GEMIN6: variants seen among roughly 807,000 people sequenced by gnomAD.
GEMIN6 encodes gem-associated protein 6.
Under a neutral mutation model 14.1 loss-of-function variants are expected in GEMIN6, and 13 were observed. The observed-to-expected ratio is 0.92, with a 90% confidence interval of 0.60 to 1.46. The LOEUF (loss-of-function observed/expected upper bound fraction) is 1.46. GEMIN6 is among the 40% of genes most tolerant of loss of function. The pLI, the probability that GEMIN6 is intolerant of heterozygous loss-of-function variation, is 0.00. For missense variants in GEMIN6, 271 were observed against 202.4 expected (o/e 1.34, Z -2.06); for synonymous variants, 87 against 70.0 (o/e 1.24, Z -1.21).
Position 38,782,172 on chromosome 2 carries a change from T to G in GEMIN6, c.*280T>G. The stretch of plus-strand genomic sequence containing the variant: ...TTTTTCTTTTTTTTTTGAGATGGAG[T>G]CTCGCTCTGTTGCCAGGTTTGAGTG... On this transcript the variant is annotated 3_prime_UTR_variant, in exon 3 of 3. Transcript: ENST00000281950. 1 of 265,860 alleles carries G rather than the reference T, an allele frequency of 3.8e-6. No homozygotes were observed. Among genetic ancestry groups the G allele is most frequent in the East Asian group, 8.1e-5 (1 of 12,364 alleles). 16.5% of individuals were successfully genotyped at this position (265,860 alleles called of 1,614,324 possible). A position where few individuals can be genotyped will look rare whatever the true frequency, so the allele number is the denominator to read the frequency against.
At chr2:38,778,886 C>T in intron 1 of GEMIN6, 86 bp from the exon 2 acceptor site, 2 of 1,160,042 alleles carry the variant, frequency 1.7e-6, no homozygotes, top group Non-Finnish European at 1.2e-6. Flanking sequence ...CACAGATGTT[C>T]TCTGTCTCTA....
At chr2:38,780,975 T>A (rs1669070875) in intron 2 of GEMIN6, among the ~76,000 whole-genome samples, 1 of 139,082 alleles carries the variant, frequency 7.2e-6, no homozygotes, top group Non-Finnish European at 1.6e-5. Flanking sequence ...CCCTGCCTTC[T>A]TCTTTTTTTT....
chr2:38,781,699 A>AC lies in GEMIN6; in HGVS notation c.312dup (p.Ser105GlnfsTer7). 1.9e-6 allele frequency: 3 copies of AC among 1,614,148 alleles called. No homozygotes were observed. Among genetic ancestry groups the AC allele is most frequent in the Non-Finnish European group, 2.5e-6 (3 of 1,180,048 alleles). ...CCAGAGGATCTGGAAGAGAGAAAGA[A>AC]CAGCCTAAAGAAATGGCTTGAGAAG... On this transcript the variant is annotated frameshift_variant, in exon 3 of 3. Coordinates refer to ENST00000281950, the MANE Select transcript of GEMIN6 (RefSeq NM_024775.10). LOFTEE classifies it high-confidence loss of function.
At position 38,781,733 on chromosome 2, in the gene GEMIN6, C is replaced by A. The variant is rs943882012; in HGVS notation, c.345C>A (p.Ile115=). ...SLKKWLEKNH[I]PITEQGDAPR... The stretch of plus-strand genomic sequence containing the variant: ...AGAAATGGCTTGAGAAGAACCACAT[C>A]CCCATCACTGAACAGGGAGACGCTC... The change falls in exon 3 of 3, where the codon ATC becomes ATA. Residue 115 remains isoleucine (I), a synonymous_variant. Transcript: ENST00000281950. 1.2e-6 allele frequency: 2 copies of A among 1,614,126 alleles called. No homozygotes were observed. The highest frequency in any genetic ancestry group is 8.5e-7 in the Non-Finnish European group (1 of 1,180,022).
rs918434927 is a variant in GEMIN6, at chr2:38,781,909, A to C, written c.*17A>C. ...TCCCAATGAGAGGCCAGGAAGTGTG[A>C]ACATACTGATAGAAAAAGACTATAT... On this transcript the variant is annotated 3_prime_UTR_variant, in exon 3 of 3. Coordinates refer to ENST00000281950, the MANE Select transcript of GEMIN6 (RefSeq NM_024775.10). 4.4e-6 allele frequency: 7 copies of C among 1,576,656 alleles called. No individual in the cohort carries two copies. The highest frequency in any genetic ancestry group is 6.0e-6 in the Non-Finnish European group (7 of 1,162,736).
rs1344244842 is a variant in GEMIN6, at chr2:38,778,282, G to C, written c.-20+1G>C. ...AGAGTTGCGAGGAGTTTTTTAACTG[G>C]TATTTTTCTCGTTTGTCAGGGTTAA... On this transcript the variant is annotated splice_donor_variant, in intron 1 of 2. Transcript: ENST00000281950. LOFTEE classifies it low-confidence loss of function (5UTR_SPLICE). The C allele has an allele frequency of 6.6e-6, 1 of 152,208 alleles. No homozygotes were observed. Among genetic ancestry groups the C allele is most frequent in the Non-Finnish European group, 1.5e-5 (1 of 68,064 alleles). 9.4% of individuals were successfully genotyped at this position (152,208 alleles called of 1,614,324 possible).
chr2:38,779,112 C>CATCCTACT lies in GEMIN6; in HGVS notation c.122_123insATCCTACT (p.Ala42SerfsTer9), dbSNP rs1199018723. 1.9e-6 allele frequency: 3 copies of CATCCTACT among 1,612,098 alleles called. No individual in the cohort carries two copies. On this transcript the variant is annotated frameshift_variant, in exon 2 of 3. Transcript: ENST00000281950. LOFTEE classifies it high-confidence loss of function. ...TGGGTTTTAACTACAGACCCAGTCT[C>CATCCTACT]TGCCAAGTGAGTATGCATCCTACTT...
In GEMIN6 at chr2:38,783,656, C is replaced by T. The variant is rs561518770; in HGVS notation, c.*1764C>T. 6.6e-6 allele frequency: 1 copy of T among 152,222 alleles called. No individual in the cohort carries two copies. The highest frequency in any genetic ancestry group is 2.1e-4 in the South Asian group (1 of 4,816). 9.4% of individuals were successfully genotyped at this position (152,222 alleles called of 1,614,324 possible). On this transcript the variant is annotated 3_prime_UTR_variant, in exon 3 of 3. Transcript: ENST00000281950. ...GAAATATTTTAAAATATTTAAGCTTCAGGGCCTTTGAATACAGGCCCTGAT... is the reference window on the plus strand; with the variant it reads ...GAAATATTTTAAAATATTTAAGCTTTAGGGCCTTTGAATACAGGCCCTGAT...
rs1669116484 is a variant in GEMIN6 at position 38,782,618 on chromosome 2, AC to A, written c.*730del. 1 of 149,752 alleles carries A rather than the reference AC, an allele frequency of 6.7e-6. No homozygotes were observed. Among genetic ancestry groups the A allele is most frequent in the African/African-American group, 2.5e-5 (1 of 40,656 alleles). 9.3% of individuals were successfully genotyped at this position (149,752 alleles called of 1,614,324 possible). ...AGACCATCCTGGCTAACACGGTGAA[AC>A]CCCTTCTCTACTAAAAATACAAAAA... On this transcript the variant is annotated 3_prime_UTR_variant, in exon 3 of 3. Coordinates refer to ENST00000281950, the MANE Select transcript of GEMIN6 (RefSeq NM_024775.10).
chr2:38,779,526 G>A (rs182568017), intron 2 of GEMIN6: 14 of 194,174 alleles, frequency 7.2e-5, no homozygotes, highest in East Asian at 5.4e-4. Context: ...CACTGTACCC[G>A]GCCTACATAT....
rs1259958240 is a variant in GEMIN6 at position 38,783,641 on chromosome 2, A to T, written c.*1749A>T. The T allele has an allele frequency of 1.3e-5, 2 of 152,108 alleles. No individual in the cohort carries two copies. Among genetic ancestry groups the T allele is most frequent in the African/African-American group, 4.8e-5 (2 of 41,428 alleles). The allele number at this position is 152,108 out of a possible 1,614,324, so 9.4% of individuals were successfully genotyped here. A position where few individuals can be genotyped will look rare whatever the true frequency, so the allele number is the denominator to read the frequency against. On this transcript the variant is annotated 3_prime_UTR_variant, in exon 3 of 3. Coordinates refer to ENST00000281950, the MANE Select transcript of GEMIN6 (RefSeq NM_024775.10). ...CATGTCCAGCTGTAAGAAATATTTT[A>T]AAATATTTAAGCTTCAGGGCCTTTG...
intron 1 of GEMIN6, among the ~76,000 whole-genome samples, 173 bp from the exon 2 acceptor site, chr2:38,778,799 C>G (rs1432963266): frequency 6.6e-6 from 1 of 152,166 alleles, no homozygotes; most frequent in African/African-American, 2.4e-5. Context: ...TTTTCCCCAA[C>G]TATAGTATCA....
chr2:38,782,022 A>T lies in GEMIN6; in HGVS notation c.*130A>T, dbSNP rs1364577845. 2 of 936,022 alleles carry T rather than the reference A, an allele frequency of 2.1e-6. No individual in the cohort carries two copies. The highest frequency in any genetic ancestry group is 3.1e-6 in the Non-Finnish European group (2 of 639,862). 58.0% of individuals were successfully genotyped at this position (936,022 alleles called of 1,614,324 possible). ...GTGTATAATTCTTTGTTGTTTTGGT[A>T]AAATCAGAGGAGTGGGTTATAAGTG... On this transcript the variant is annotated 3_prime_UTR_variant, in exon 3 of 3. Coordinates refer to ENST00000281950, the MANE Select transcript of GEMIN6 (RefSeq NM_024775.10).
Position 38,782,081 on chromosome 2 carries a change from A to G in GEMIN6, c.*189A>G. On this transcript the variant is annotated 3_prime_UTR_variant, in exon 3 of 3. Coordinates refer to ENST00000281950, the MANE Select transcript of GEMIN6 (RefSeq NM_024775.10). ...CTTGGGAAATTAATGAACTAGGGCA[A>G]GTATAGCATCCCATGCATAAAATTA... 1 of 540,544 alleles carries G rather than the reference A, an allele frequency of 1.8e-6. No individual in the cohort carries two copies. The highest frequency in any genetic ancestry group is 3.2e-6 in the Non-Finnish European group (1 of 313,396). 33.5% of individuals were successfully genotyped at this position (540,544 alleles called of 1,614,324 possible).
chr2:38,781,987 A>ATGTGTG lies in GEMIN6; in HGVS notation c.*103_*108dup. 8.5e-7 allele frequency: 1 copy of ATGTGTG among 1,174,170 alleles called. No individual in the cohort carries two copies. Among genetic ancestry groups the ATGTGTG allele is most frequent in the East Asian group, 2.4e-5 (1 of 42,234 alleles). The allele number at this position is 1,174,170 out of a possible 1,614,324, so 72.7% of individuals were successfully genotyped here. ...TAAATGTACATGACTGTGTGTGTGT[A>ATGTGTG]TGTGTGTGTGTGTATAATTCTTTGT... is the stretch of plus-strand genomic sequence containing the variant. On this transcript the variant is annotated 3_prime_UTR_variant, in exon 3 of 3. Coordinates refer to ENST00000281950, the MANE Select transcript of GEMIN6 (RefSeq NM_024775.10).
chr2:38,781,491 C>A, intron 2 of GEMIN6, 26 bp from the exon 3 acceptor site: 3 of 1,580,474 alleles, frequency 1.9e-6, no homozygotes, highest in Non-Finnish European at 2.6e-6. Context: ...GTTGATGATG[C>A]CTCTAAACTT....
At chr2:38,778,407 C>T (rs1171070420) in intron 1 of GEMIN6, 126 bp downstream of exon 1, 1 of 152,128 alleles carries the variant, frequency 6.6e-6, no homozygotes, top group African/African-American at 2.4e-5. Flanking sequence ...GCTGGCCCTT[C>T]GTTTGTGCAT....
At position 38,782,286 on chromosome 2, in the gene GEMIN6, G is replaced by GAT; in HGVS notation, c.*394_*395insAT. The GAT allele has an allele frequency of 1.2e-5, 2 of 161,126 alleles. No homozygotes were observed. Among genetic ancestry groups the GAT allele is most frequent in the Non-Finnish European group, 2.7e-5 (2 of 74,232 alleles). The allele number at this position is 161,126 out of a possible 1,614,324, so 10.0% of individuals were successfully genotyped here. A position where few individuals can be genotyped will look rare whatever the true frequency, so the allele number is the denominator to read the frequency against. On this transcript the variant is annotated 3_prime_UTR_variant, in exon 3 of 3. Coordinates refer to ENST00000281950, the MANE Select transcript of GEMIN6 (RefSeq NM_024775.10). ...AGCCTCTCGAGTAGCTGGGACTACAGGTGCACGCCACCACTCCCAGCTAAT... is the reference window on the plus strand; with the variant it reads ...AGCCTCTCGAGTAGCTGGGACTACAGATGTGCACGCCACCACTCCCAGCTAAT...
In GEMIN6 at chr2:38,784,288, C is replaced by G. The variant is rs191231289; in HGVS notation, c.*2396C>G. The G allele has an allele frequency of 3.3e-5, 5 of 152,326 alleles. No homozygotes were observed. Among genetic ancestry groups the G allele is most frequent in the Admixed American group, 3.3e-4 (5 of 15,276 alleles). The allele number at this position is 152,326 out of a possible 1,614,324, so 9.4% of individuals were successfully genotyped here. On this transcript the variant is annotated 3_prime_UTR_variant, in exon 3 of 3. Coordinates refer to ENST00000281950, the MANE Select transcript of GEMIN6 (RefSeq NM_024775.10). ...GGGCGCGGTGGCTCACGCCTGTAAT[C>G]CCAGCACTTTGGGAGGCCTAGGCGG...
Sources: gnomAD v4.1 joint callset for allele counts (sites outside exome capture counted in the v4.1 genomes callset) on GRCh38, gnomAD v4.1.1 for gene constraint, MANE v1.5 for transcripts, NCBI Gene and HGNC (gene_info 2026-07-23, HGNC 2026-07-21) for gene names.